Variants in CTNNAL1 observed in about 807,000 individuals in gnomAD.
CTNNAL1 encodes the protein catenin alpha like 1.
In CTNNAL1, 69 loss-of-function variants were observed where a neutral mutation model predicts 93.6. That is an observed-to-expected ratio of 0.74 (90% CI 0.61 to 0.90). The LOEUF (loss-of-function observed/expected upper bound fraction) is 0.90, where lower values mean the gene tolerates loss of function less well. Ranked by LOEUF, CTNNAL1 falls within the 40% of genes least tolerant of loss-of-function variation. The pLI is 0.00. For synonymous variants in CTNNAL1, 286 were observed against 305.4 expected (o/e 0.94, Z 0.66); for missense variants, 836 against 862.0 (o/e 0.97, Z 0.38).
chr9:108,965,243 G>T, intron 11 of CTNNAL1, 135 bp downstream of exon 11: 2 of 661,944 alleles, frequency 3.0e-6, no homozygotes, highest in Non-Finnish European at 4.6e-6. Context: ...ATTTTTTTGT[G>T]AACAATATTT....
chr9:109,006,487 T>C (rs941637764), intron 1 of CTNNAL1, among the ~76,000 whole-genome samples: 1 of 152,212 alleles, frequency 6.6e-6, no homozygotes, highest in African/African-American at 2.4e-5. Context: ...CAGGATTATG[T>C]TAAGGATCAA....
At chr9:108,984,977 G>A (rs978384310) in intron 4 of CTNNAL1, among the ~76,000 whole-genome samples, 20 of 152,080 alleles carry the variant, frequency 1.3e-4, no homozygotes, top group Non-Finnish European at 7.4e-5. Flanking sequence ...TGTTTCTTGG[G>A]TAGATAATTT....
intron 4 of CTNNAL1, among the ~76,000 whole-genome samples, chr9:108,988,228 C>A (rs1188512102): frequency 1.3e-5 from 2 of 152,184 alleles, no homozygotes; most frequent in African/African-American, 4.8e-5. Flanking sequence ...GGATTACAGG[C>A]ACATGCCACC....
chr9:108,987,990 T>A (rs542921930), intron 4 of CTNNAL1, among the ~76,000 whole-genome samples: 7 of 152,320 alleles, frequency 4.6e-5, no homozygotes, highest in South Asian at 2.1e-4. Context: ...ACAATTTGAC[T>A]TCCTCTTTTC....
At chr9:108,966,960 C>A (rs1564129952) in intron 10 of CTNNAL1, among the ~76,000 whole-genome samples, 1 of 152,204 alleles carries the variant, frequency 6.6e-6, no homozygotes, top group Admixed American at 6.5e-5. Flanking sequence ...ATAAAACACA[C>A]ACACACAAAG....
At chr9:108,982,210 G>A (rs551246767) in intron 6 of CTNNAL1, among the ~76,000 whole-genome samples, 1 of 152,108 alleles carries the variant, frequency 6.6e-6, no homozygotes, top group Non-Finnish European at 1.5e-5. Context: ...TCCCAACTCT[G>A]GTACTTAGTA....
intron 4 of CTNNAL1, among the ~76,000 whole-genome samples, chr9:108,987,426 C>A (rs34098030): frequency 0.013 from 1,916 of 152,324 alleles, 18 homozygotes; most frequent in South Asian, 0.038. Flanking sequence ...GTTTTGGTTA[C>A]TGTAGCCTTG....
intron 8 of CTNNAL1, 26 bp from the exon 9 acceptor site, chr9:108,972,859 G>GCCCCCCCCCC: frequency 5.4e-6 from 2 of 371,034 alleles, no homozygotes; most frequent in Non-Finnish European, 1.0e-5. Context: ...TGGGTGGGGG[G>GCCCCCCCCCC]GTGGGAGGGT....
At chr9:109,007,088 T>C (rs1438513081) in intron 1 of CTNNAL1, among the ~76,000 whole-genome samples, 1 of 151,772 alleles carries the variant, frequency 6.6e-6, no homozygotes, top group Non-Finnish European at 1.5e-5. Context: ...TTAGCCGGGC[T>C]TGATGTAAGG....
intron 14 of CTNNAL1, chr9:108,950,820 CAT>C: frequency 2.0e-6 from 1 of 507,852 alleles, no homozygotes; most frequent in South Asian, 3.3e-5. Flanking sequence ...TATAGAGATA[CAT>C]TGTGTCCCTA....
chr9:108,972,868 G>GGGGCCCCCTGGT, intron 8 of CTNNAL1, 35 bp from the exon 9 acceptor site: 1 of 1,092,790 alleles, frequency 9.2e-7, no homozygotes, highest in Non-Finnish European at 1.2e-6. Context: ...GGGTGGGAGG[G>GGGGCCCCCTGGT]TGGAGAAGGA....
chr9:108,948,031 C>T (rs1162205541), intron 15 of CTNNAL1, among the ~76,000 whole-genome samples, 155 bp downstream of exon 15: 1 of 152,194 alleles, frequency 6.6e-6, no homozygotes, highest in African/African-American at 2.4e-5. Flanking sequence ...CATTGCAAGC[C>T]ATCTACCTTT....
At chr9:108,978,467 C>T (rs992379681) in intron 7 of CTNNAL1, among the ~76,000 whole-genome samples, 1 of 152,236 alleles carries the variant, frequency 6.6e-6, no homozygotes, top group African/African-American at 2.4e-5. Context: ...TTCATGACTT[C>T]CAGATTTGTA....
Position 109,007,892 on chromosome 9 carries a change from A to G in CTNNAL1, c.141+5410T>C, listed in dbSNP as rs191367605. Among the ~76,000 whole-genome samples the G allele has an allele frequency of 6.9e-4, 105 of 152,286 alleles. 3 individuals are homozygous for G. Among genetic ancestry groups the G allele is most frequent in the African/African-American group, 2.5e-3 (102 of 41,564 alleles). The stretch of plus-strand genomic sequence containing the variant: ...ACCACTCCTTTATTATAACTATTGT[A>G]CATACAGTATACCCTAAATGATATC... On this transcript the variant is annotated intron_variant, in intron 1 of 18. Transcript: ENST00000325551.
chr9:108,949,281 C>T (rs960247350), intron 14 of CTNNAL1, among the ~76,000 whole-genome samples: 2 of 152,198 alleles, frequency 1.3e-5, no homozygotes, highest in Non-Finnish European at 1.5e-5. Context: ...AGCTTCCCCT[C>T]GTAGTGCAAC....
intron 15 of CTNNAL1, among the ~76,000 whole-genome samples, chr9:108,946,097 G>A (rs1232284769): frequency 1.3e-5 from 2 of 151,912 alleles, no homozygotes; most frequent in African/African-American, 2.4e-5. Context: ...TCAAGAGATC[G>A]AGACCATCCT....
intron 11 of CTNNAL1, among the ~76,000 whole-genome samples, chr9:108,956,783 A>G (rs1830698308): frequency 6.6e-6 from 1 of 152,148 alleles, no homozygotes; most frequent in Admixed American, 6.5e-5. Context: ...CTAGAACTGT[A>G]CTATTAAATA....
rs994487558 is a variant in CTNNAL1 at position 108,983,315 on chromosome 9, T to C, written c.730A>G (p.Thr244Ala). The C allele has an allele frequency of 4.0e-6, 6 of 1,487,536 alleles. No homozygotes were observed. The African/African-American group carries it at 7.2e-5, about 18-fold the overall frequency. The allele number at this position is 1,487,536 out of a possible 1,614,324, so 92.1% of individuals were successfully genotyped here. ...CTMMLLTASK[T>A]CLRHPNCESA... is the part of the protein sequence containing the mutation. ...TCGCAGTTAGGATGCCTCAGACATG[T>C]CTTCAAAACAATTGAAAATTTTTAT... The change falls in exon 6 of 19, where the codon ACA (threonine) becomes GCA (alanine). Residue 244 changes from threonine (T) to alanine (A), a missense_variant and splice_region_variant. Physicochemically the swap from Thr to Ala is moderately conservative, Grantham distance 58. Coordinates refer to ENST00000325551, the MANE Select transcript of CTNNAL1 (RefSeq NM_003798.4).
intron 1 of CTNNAL1, among the ~76,000 whole-genome samples, chr9:109,002,473 G>A (rs1826866208): frequency 6.6e-6 from 1 of 152,136 alleles, no homozygotes; most frequent in African/African-American, 2.4e-5. Context: ...GGAGAAAAGG[G>A]GTTCCTTGTT....
Sources: allele counts gnomAD v4.1 joint callset (sites outside exome capture counted in the v4.1 genomes callset), GRCh38; gene constraint gnomAD v4.1.1; transcripts MANE v1.5; gene names NCBI Gene and HGNC (gene_info 2026-07-23, HGNC 2026-07-21).